TBC1D22A: variants seen among roughly 807,000 people sequenced by gnomAD.
The protein encoded by TBC1D22A is TBC1 domain family member 22A, also known as putative GTPase activator.
TBC1D22A carries 38 observed loss-of-function variants against 60.2 expected under a neutral mutation model. The ratio of observed to expected loss-of-function variants is 0.63; its 90% CI spans 0.49 to 0.83. TBC1D22A has a LOEUF of 0.83. Among genes scored for constraint, TBC1D22A ranks in the 40% least tolerant of loss-of-function variants. TBC1D22A has a pLI of 0.00. For synonymous variants in TBC1D22A, 302 were observed against 281.7 expected, an observed-to-expected ratio of 1.07 and a Z score of -0.72; for missense variants, 628 against 701.0, an observed-to-expected ratio of 0.90 and a Z score of 1.18.
chr22:47,070,888 C>T (rs573870903), intron 11 of TBC1D22A, among the ~76,000 whole-genome samples: 9 of 146,608 alleles, frequency 6.1e-5, no homozygotes, highest in South Asian at 2.3e-4. Context: ...GCTGACCTGA[C>T]GGTTCCAGGC....
intron 11 of TBC1D22A, among the ~76,000 whole-genome samples, chr22:47,043,639 CAT>C (rs1464352226): frequency 6.6e-6 from 1 of 151,942 alleles, no homozygotes; most frequent in Non-Finnish European, 1.5e-5. Context: ...CCTGGGGAGA[CAT>C]GTGAGCAGGG....
At chr22:47,115,046 C>T (rs1332046108) in intron 12 of TBC1D22A, among the ~76,000 whole-genome samples, 3 of 13,366 alleles carry the variant, frequency 2.2e-4, no homozygotes, top group South Asian at 2.4e-3. Flanking sequence ...CGGGGCGGGG[C>T]GGGGTGAGGT....
At chr22:47,003,673 C>T (rs1007801816) in intron 10 of TBC1D22A, among the ~76,000 whole-genome samples, 3 of 113,822 alleles carry the variant, frequency 2.6e-5, no homozygotes, top group Admixed American at 8.3e-5. Flanking sequence ...ACACACACCC[C>T]TACACACATG....
chr22:47,106,823 A>G (rs1348548620), intron 11 of TBC1D22A, among the ~76,000 whole-genome samples: 1 of 152,212 alleles, frequency 6.6e-6, no homozygotes, highest in South Asian at 2.1e-4. Flanking sequence ...GATCGAGACC[A>G]TCCTGGCCAA....
Position 47,173,481 on chromosome 22 carries a change from T to C in TBC1D22A, c.1426-17T>C. ...TGGGTCACCTCCTCTGACCTGGGCT[T>C]GTCTCTTTCTCCCCAGGAGCTGCTG... On this transcript the variant is annotated splice_polypyrimidine_tract_variant and intron_variant, in intron 12 of 12. Coordinates refer to ENST00000337137, the MANE Select transcript of TBC1D22A (RefSeq NM_014346.5). 6.2e-7 allele frequency: 1 copy of C among 1,613,592 alleles called. No individual in the cohort carries two copies. The highest frequency in any genetic ancestry group is 1.7e-5 in the Admixed American group (1 of 60,018).
At chr22:47,110,735 A>T (rs2065815344) in intron 11 of TBC1D22A, among the ~76,000 whole-genome samples, 1 of 152,210 alleles carries the variant, frequency 6.6e-6, no homozygotes, top group Non-Finnish European at 1.5e-5. Flanking sequence ...CAGAGAAGGT[A>T]GCACCCCAAG....
intron 8 of TBC1D22A, among the ~76,000 whole-genome samples, chr22:46,946,464 G>C (rs2072549394): frequency 2.6e-5 from 4 of 152,190 alleles, no homozygotes; most frequent in Admixed American, 2.6e-4. Flanking sequence ...GGTGGCACTG[G>C]GCTCACAAGC....
At chr22:47,041,563 T>G (rs945674082) in intron 11 of TBC1D22A, among the ~76,000 whole-genome samples, 4 of 152,042 alleles carry the variant, frequency 2.6e-5, no homozygotes, top group African/African-American at 9.7e-5. Context: ...AAGGAAAAGG[T>G]TTATTTGAGT....
intron 4 of TBC1D22A, among the ~76,000 whole-genome samples, chr22:46,837,102 G>C (rs2086558212): frequency 6.6e-6 from 1 of 152,078 alleles, no homozygotes; most frequent in Non-Finnish European, 1.5e-5. Context: ...TCCACCCTGG[G>C]GGACAGAGCA....
At chr22:47,164,104 C>T (rs1481639082) in intron 12 of TBC1D22A, among the ~76,000 whole-genome samples, 2 of 152,212 alleles carry the variant, frequency 1.3e-5, no homozygotes, top group Non-Finnish European at 2.9e-5. Flanking sequence ...CAGATGAGCC[C>T]GAGGCCTCCG....
chr22:47,154,141 C>T (rs1202191669), intron 12 of TBC1D22A, among the ~76,000 whole-genome samples: 1 of 152,186 alleles, frequency 6.6e-6, no homozygotes, highest in African/African-American at 2.4e-5. Context: ...GCACTGTCTC[C>T]AGGCCATGAC....
At chr22:47,071,428 C>T (rs1450793771) in intron 11 of TBC1D22A, among the ~76,000 whole-genome samples, 1 of 152,232 alleles carries the variant, frequency 6.6e-6, no homozygotes, top group Non-Finnish European at 1.5e-5. Flanking sequence ...GCAGGCCCCT[C>T]TCTCCCCACT....
chr22:46,976,640 T>C (rs2074307921), intron 9 of TBC1D22A, among the ~76,000 whole-genome samples: 1 of 152,202 alleles, frequency 6.6e-6, no homozygotes, highest in South Asian at 2.1e-4. Context: ...GGTCTTACTG[T>C]CTCCATTTCA....
At chr22:46,822,055 C>T (rs1037625114) in intron 4 of TBC1D22A, among the ~76,000 whole-genome samples, 14 of 151,820 alleles carry the variant, frequency 9.2e-5, no homozygotes, top group South Asian at 2.1e-4. Flanking sequence ...GTTTGCTTCA[C>T]GAAGATCTCA....
intron 4 of TBC1D22A, among the ~76,000 whole-genome samples, chr22:46,812,071 A>G (rs1407779073): frequency 1.3e-5 from 2 of 152,130 alleles, no homozygotes; most frequent in African/African-American, 2.4e-5. Context: ...GGTTTTGGGC[A>G]GGGATTGGAA....
At chr22:46,934,364 G>A (rs982850662) in intron 8 of TBC1D22A, among the ~76,000 whole-genome samples, 2 of 152,242 alleles carry the variant, frequency 1.3e-5, no homozygotes, top group Admixed American at 1.3e-4. Flanking sequence ...GCTCTGGGGT[G>A]TGTGGTACGC....
At chr22:46,787,788 A>C (rs1309545108) in intron 1 of TBC1D22A, among the ~76,000 whole-genome samples, 1 of 152,240 alleles carries the variant, frequency 6.6e-6, no homozygotes, top group South Asian at 2.1e-4. Context: ...CAGAATGGGG[A>C]GGGTTTCAAC....
chr22:46,847,963 G>GCA (rs2087096841), intron 4 of TBC1D22A, among the ~76,000 whole-genome samples: 2 of 141,750 alleles, frequency 1.4e-5, no homozygotes, highest in African/African-American at 5.5e-5. Context: ...GTGCGCGCGC[G>GCA]CACGCGCTCT....
At chr22:46,840,352 T>C (rs375966746) in intron 4 of TBC1D22A, among the ~76,000 whole-genome samples, 56 of 152,256 alleles carry the variant, frequency 3.7e-4, no homozygotes, top group African/African-American at 1.3e-3. Flanking sequence ...AATAGGTATA[T>C]GAAAAGGGGC....
Sources: allele counts gnomAD v4.1 joint callset (sites outside exome capture counted in the v4.1 genomes callset), GRCh38; gene constraint gnomAD v4.1.1; transcripts MANE v1.5; gene names NCBI Gene and HGNC (gene_info 2026-07-23, HGNC 2026-07-21).